The following PRRC2B variants were observed in gnomAD, a reference collection of about 807,000 sequenced individuals.
PRRC2B encodes protein PRRC2B.
In PRRC2B, 68 loss-of-function variants were observed where a neutral mutation model predicts 242.3. The ratio of observed to expected loss-of-function variants is 0.28; its 90% CI spans 0.23 to 0.34. The LOEUF (loss-of-function observed/expected upper bound fraction) is 0.34. Among genes scored for constraint, PRRC2B ranks in the 10% least tolerant of loss-of-function variants. The pLI is 1.00. For synonymous variants in PRRC2B, 1,228 were observed against 1,173.6 expected, an observed-to-expected ratio of 1.05 and a Z score of -0.95; for missense variants, 2,835 against 2,954.8, an observed-to-expected ratio of 0.96 and a Z score of 0.94.
Position 131,496,113 on chromosome 9 carries a change from C to T in PRRC2B, c.*239C>T. 1 of 526,572 alleles carries T rather than the reference C, an allele frequency of 1.9e-6. No homozygotes were observed. Among genetic ancestry groups the T allele is most frequent in the African/African-American group, 1.9e-5 (1 of 52,710 alleles). 32.6% of individuals were successfully genotyped at this position (526,572 alleles called of 1,614,324 possible). On this transcript the variant is annotated 3_prime_UTR_variant, in exon 32 of 32. Transcript: ENST00000683519. ...AAAAAAGCAGACGACTCCTTCATCC[C>T]ATCTGCTCCTACCGTGACTGTGGAG...
At chr9:131,457,691 C>T (rs1284482000) in intron 10 of PRRC2B, among the ~76,000 whole-genome samples, 1 of 152,074 alleles carries the variant, frequency 6.6e-6, no homozygotes, top group Non-Finnish European at 1.5e-5. Flanking sequence ...CAGTTCATCT[C>T]CATCCTTTCA....
chr9:131,422,522 C>G (rs570289382), intron 1 of PRRC2B, among the ~76,000 whole-genome samples: 1 of 152,320 alleles, frequency 6.6e-6, no homozygotes, highest in East Asian at 1.9e-4. Flanking sequence ...CCCCTGAATG[C>G]GGAGCCGTAG....
Position 131,384,384 on chromosome 9 carries a change from G to A in PRRC2B, c.-56+10653G>A, listed in dbSNP as rs145075775. Among the ~76,000 whole-genome samples, 630 of 152,012 alleles carry A rather than the reference G, an allele frequency of 4.1e-3. 14 individuals are homozygous for A. The highest frequency in any genetic ancestry group is 0.032 in the Admixed American group (494 of 15,246). On this transcript the variant is annotated intron_variant, in intron 1 of 1. Coordinates refer to the PRRC2B transcript ENST00000682525. ...TGCAACCTCCACCTCCCAGGTTCAA[G>A]TGATTCTCCTGCCTCAGCCTCCCAA...
At chr9:131,393,400 G>A (rs1365481293), upstream of PRRC2B, among the ~76,000 whole-genome samples, 1 of 152,094 alleles carries the variant, frequency 6.6e-6, no homozygotes, top group African/African-American at 2.4e-5. Context: ...CTCAAACCAC[G>A]GAGGTAACCA....
chr9:131,436,676 A>G lies in PRRC2B; in HGVS notation c.350A>G (p.Lys117Arg), dbSNP rs372399010. 4 of 1,613,912 alleles carry G rather than the reference A, an allele frequency of 2.5e-6. No individual in the cohort carries two copies. In the African/African-American group the frequency reaches 5.3e-5, roughly 22 times the overall value. ...TCGCTGCCGCAGCCGGGTTTGCAGA[A>G]ATCTGTCTCCAATTTGCAGAAACCG... ...PESLPQPGLQ[K>R]SVSNLQKPTQ... is the part of the protein sequence containing the mutation. The change falls in exon 4 of 32, where the codon AAA becomes AGA. Residue 117 changes from lysine to arginine, a missense_variant. Around this residue, in one of 7 missense-constraint regions of PRRC2B, gnomAD observed 626 missense variants for 685.5 expected, o/e 0.91. Transcript: ENST00000683519.
Position 131,479,242 on chromosome 9 carries a change from T to G in PRRC2B, c.4759-10T>G. On this transcript the variant is annotated splice_polypyrimidine_tract_variant and intron_variant, in intron 18 of 31. Coordinates refer to ENST00000683519, the MANE Select transcript of PRRC2B (RefSeq NM_013318.4). ...TTTGGCTAGACTACAGCATCCTTTCTTCCCCTCAGGTGCCTGTCAAAGGTC... is the reference window on the plus strand; with the variant it reads ...TTTGGCTAGACTACAGCATCCTTTCGTCCCCTCAGGTGCCTGTCAAAGGTC... 6.2e-7 allele frequency: 1 copy of G among 1,613,342 alleles called. No homozygotes were observed. The highest frequency in any genetic ancestry group is 8.5e-7 in the Non-Finnish European group (1 of 1,179,506).
rs779005614 is a variant in PRRC2B, at chr9:131,444,223, G to A, written c.508G>A (p.Glu170Lys). ...GSSRLLSFSP[E>K]EFPTLKAAGG... ...AAGCCGACTGTTATCCTTCTCTCCC[G>A]AGGAATTTCCGACGCTGAAAGCAGC... is the stretch of plus-strand genomic sequence containing the variant. Residue 170 changes from glutamate to lysine, a missense_variant, in exon 6 of 32, where the codon GAG becomes AAG. Coordinates refer to ENST00000683519, the MANE Select transcript of PRRC2B (RefSeq NM_013318.4). 1.9e-6 allele frequency: 3 copies of A among 1,613,986 alleles called. No individual in the cohort carries two copies. The highest frequency in any genetic ancestry group is 2.2e-5 in the East Asian group (1 of 44,884).
At chr9:131,427,200 A>G (rs1437047144) in intron 1 of PRRC2B, among the ~76,000 whole-genome samples, 1 of 152,206 alleles carries the variant, frequency 6.6e-6, no homozygotes, top group Non-Finnish European at 1.5e-5. Flanking sequence ...AAATGAATGA[A>G]AGGATGGTTT....
intron 1 of PRRC2B, among the ~76,000 whole-genome samples, chr9:131,426,356 A>G (rs1284167090): frequency 5.2e-5 from 4 of 76,730 alleles, no homozygotes; most frequent in African/African-American, 7.9e-5. Flanking sequence ...AAAAAAAAAA[A>G]AAAAGAAAAA....
chr9:131,477,917 A>G lies in PRRC2B; in HGVS notation c.4580A>G (p.Glu1527Gly), dbSNP rs1417129201. ...LAAPRAGEQG[E>G]AMKQFDLNYG... ...GCTCCGAGGGCAGGTGAACAGGGAG[A>G]GGCCATGAAACAGTTTGACCTGAAC... Residue 1527 changes from glutamate (E) to glycine (G), a missense_variant, in exon 17 of 32, where the codon GAG becomes GGG. Glu to Gly is a moderately conservative substitution (Grantham distance 98). Coordinates refer to ENST00000683519, the MANE Select transcript of PRRC2B (RefSeq NM_013318.4). 1.9e-6 allele frequency: 3 copies of G among 1,614,030 alleles called. No individual in the cohort carries two copies. The highest frequency in any genetic ancestry group is 2.2e-5 in the East Asian group (1 of 44,882).
chr9:131,496,080 T>C lies in PRRC2B; in HGVS notation c.*206T>C, dbSNP rs184487869. 3.6e-5 allele frequency: 23 copies of C among 636,942 alleles called. No homozygotes were observed. The African/African-American group carries it at 4.0e-4, about 11-fold the overall frequency. The allele number at this position is 636,942 out of a possible 1,614,324, so 39.5% of individuals were successfully genotyped here. A position where few individuals can be genotyped will look rare whatever the true frequency, so the allele number is the denominator to read the frequency against. On this transcript the variant is annotated 3_prime_UTR_variant, in exon 32 of 32. Coordinates refer to ENST00000683519, the MANE Select transcript of PRRC2B (RefSeq NM_013318.4). Reference sequence around the variant, plus strand: ...TATGGCATTGACCCGCTTGCTTTGATACGAAACAAAAAAGCAGACGACTCC... The same window carrying C: ...TATGGCATTGACCCGCTTGCTTTGACACGAAACAAAAAAGCAGACGACTCC...
At chr9:131,455,715 A>AC (rs971305638) in intron 10 of PRRC2B, among the ~76,000 whole-genome samples, 3 of 151,866 alleles carry the variant, frequency 2.0e-5, no homozygotes, top group African/African-American at 7.3e-5. Context: ...GGGGTTTGCC[A>AC]CGTTACCCAG....
At chr9:131,469,598 C>T (rs1246860973) in intron 13 of PRRC2B, among the ~76,000 whole-genome samples, 1 of 152,188 alleles carries the variant, frequency 6.6e-6, no homozygotes, top group African/African-American at 2.4e-5. Context: ...TGTAGACTGC[C>T]AGGCAGGTTG....
At chr9:131,436,779 T>G in intron 4 of PRRC2B, 57 bp downstream of exon 4, 11 of 1,408,924 alleles carry the variant, frequency 7.8e-6, no homozygotes, top group Non-Finnish European at 1.1e-5. Context: ...CCTAAATCTC[T>G]TTGTTGCTGG....
Position 131,482,898 on chromosome 9 carries a change from C to T in PRRC2B, c.5364C>T (p.Val1788=). The T allele has an allele frequency of 6.2e-7, 1 of 1,605,788 alleles. No homozygotes were observed. The highest frequency in any genetic ancestry group is 8.5e-7 in the Non-Finnish European group (1 of 1,176,008). The change falls in exon 22 of 32, where the codon GTC becomes GTT. Residue 1788 remains valine, a synonymous_variant. Transcript: ENST00000683519. This position sits in a 1 kb window ranked among gnomAD's most constrained non-coding sequence, Gnocchi z 5.2. The stretch of plus-strand genomic sequence containing the variant: ...CTGTGCCACCCATTGAATTTGGAGT[C>T]AGTCCAAAAGTGAGGCTTTGATTTG... ...VLPVPPIEFG[V]SPKDSDFSLP...
At chr9:131,491,137 C>T (rs1944181952) in intron 28 of PRRC2B, 1 of 389,670 alleles carries the variant, frequency 2.6e-6, no homozygotes, top group Admixed American at 4.4e-5. Context: ...GGATGAGACA[C>T]ACTTAACGCT....
In PRRC2B at chr9:131,474,773, A is replaced by G. The variant is rs780852201; in HGVS notation, c.2644A>G (p.Thr882Ala). The change falls in exon 16 of 32, where the codon ACA (threonine) becomes GCA (alanine). Residue 882 changes from threonine (T) to alanine (A), a missense_variant. By Grantham distance (58) the Thr-to-Ala change is moderately conservative. Transcript: ENST00000683519. ...TAGCCACCAGCCAGAGACCGCTGAC[A>G]CAGCCCATGGTGTTGAGCGGGAGAC... ...DVSHQPETAD[T>A]AHGVERETPR... 2.5e-6 allele frequency: 4 copies of G among 1,612,846 alleles called. No homozygotes were observed. The highest frequency in any genetic ancestry group is 3.4e-6 in the Non-Finnish European group (4 of 1,179,706).
At chr9:131,385,155 G>GCC (rs1554756387) in intron 1 of PRRC2B, among the ~76,000 whole-genome samples, 9 of 137,854 alleles carry the variant, frequency 6.5e-5, no homozygotes, top group Admixed American at 2.5e-4. Context: ...TTACAGGCAT[G>GCC]AGCTACACCA....
Position 131,446,976 on chromosome 9 carries a change from T to C in PRRC2B, c.856-109T>C, listed in dbSNP as rs2131389281. On this transcript the variant is annotated intron_variant, in intron 7 of 31. Coordinates refer to ENST00000683519, the MANE Select transcript of PRRC2B (RefSeq NM_013318.4). The surrounding 1 kb of genome is among the most constrained non-coding windows in gnomAD (Gnocchi z 4.1). ...GATTAATTAGGAAACCCCATGACTT[T>C]CCTGTTTCTTTTTCCCATTTTCCAC... 12 of 1,415,000 alleles carry C rather than the reference T, an allele frequency of 8.5e-6. No individual in the cohort carries two copies. Among genetic ancestry groups the C allele is most frequent in the East Asian group, 2.3e-5 (1 of 43,486 alleles). The allele number at this position is 1,415,000 out of a possible 1,614,324, so 87.7% of individuals were successfully genotyped here. A position where few individuals can be genotyped will look rare whatever the true frequency, so the allele number is the denominator to read the frequency against.
Sources: gnomAD v4.1 joint callset for allele counts (sites outside exome capture counted in the v4.1 genomes callset) on GRCh38, gnomAD v4.1.1 for gene constraint, gnomAD v4.1.1 regional missense constraint, Gnocchi (gnomAD v3.1) non-coding constraint, MANE v1.5 for transcripts, NCBI Gene and HGNC (gene_info 2026-07-23, HGNC 2026-07-21) for gene names.